CPS1: variants seen among roughly 807,000 people sequenced by gnomAD.
CPS1 encodes carbamoyl-phosphate synthase [ammonia], mitochondrial.
A neutral mutation model predicts 174.6 loss-of-function variants in CPS1; 109 were observed. The observed-to-expected ratio is 0.62, with a 90% CI of 0.53 to 0.73. CPS1 has a LOEUF of 0.73. CPS1 is among the 30% of genes least tolerant of loss of function. The pLI is 0.00. For synonymous variants in CPS1, 637 were observed against 632.0 expected, an observed-to-expected ratio of 1.01 and a Z score of -0.12; for missense variants, 1,689 against 1,821.9, an observed-to-expected ratio of 0.93 and a Z score of 1.33.
intron 1 of CPS1, among the ~76,000 whole-genome samples, chr2:210,558,846 G>C (rs1442895314): frequency 1.3e-5 from 2 of 152,006 alleles, no homozygotes; most frequent in African/African-American, 4.8e-5. Context: ...TCAAGGGTCT[G>C]TCACAGTGCA....
chr2:210,668,152 C>G, intron 33 of CPS1, 34 bp from the exon 34 acceptor site: 1 of 1,475,214 alleles, frequency 6.8e-7, no homozygotes. Flanking sequence ...TTCTTTGCAT[C>G]CTCTATTTTA....
chr2:210,650,381 G>A lies in CPS1; in HGVS notation c.3423G>A (p.Val1141=). The change falls in exon 28 of 38, where the codon GTG becomes GTA. Residue 1141 remains valine (V), a synonymous_variant. Transcript: ENST00000233072. ...SYVLSGSAMN[V]VFSEDEMKKF... is the part of the protein sequence containing the mutation. ...TTTCCAGTGGGTCTGCTATGAATGTGGTATTCTCTGAGGATGAGATGAAAA... is the reference window on the plus strand; with the variant it reads ...TTTCCAGTGGGTCTGCTATGAATGTAGTATTCTCTGAGGATGAGATGAAAA... The A allele has an allele frequency of 6.2e-7, 1 of 1,613,544 alleles. No homozygotes were observed. Among genetic ancestry groups the A allele is most frequent in the Non-Finnish European group, 8.5e-7 (1 of 1,179,594 alleles).
intron 1 of CPS1, among the ~76,000 whole-genome samples, chr2:210,565,581 G>A (rs1679995759): frequency 6.6e-6 from 1 of 152,110 alleles, no homozygotes; most frequent in Non-Finnish European, 1.5e-5. Context: ...AATAATTGCA[G>A]CCACAATTTA....
intron 20 of CPS1, among the ~76,000 whole-genome samples, chr2:210,614,307 C>T (rs1305631676): frequency 1.3e-5 from 2 of 151,442 alleles, no homozygotes; most frequent in Non-Finnish European, 1.5e-5. Context: ...CATTGATGGG[C>T]GTTTGGGTTG....
At chr2:210,481,161 G>A (rs1174699422) in intron 1 of CPS1, among the ~76,000 whole-genome samples, 1 of 152,140 alleles carries the variant, frequency 6.6e-6, no homozygotes, top group African/African-American at 2.4e-5. Flanking sequence ...AAAAGATTGT[G>A]AGTCCAGAAA....
intron 1 of CPS1, among the ~76,000 whole-genome samples, chr2:210,485,372 G>T (rs1001208537): frequency 6.6e-6 from 1 of 152,002 alleles, no homozygotes; most frequent in Non-Finnish European, 1.5e-5. Context: ...TTGAGATAAT[G>T]ATCATTATTT....
intron 15 of CPS1, among the ~76,000 whole-genome samples, chr2:210,601,796 T>C (rs1314071587): frequency 1.3e-5 from 2 of 151,938 alleles, no homozygotes; most frequent in South Asian, 2.1e-4. Context: ...TGTGGTAACA[T>C]CAAGCTAGCT....
chr2:210,668,370 G>A, intron 34 of CPS1, 86 bp downstream of exon 34: 1 of 929,742 alleles, frequency 1.1e-6, no homozygotes. Context: ...GTGGTATAGA[G>A]GAAGGGAGAT....
intron 6 of CPS1, among the ~76,000 whole-genome samples, chr2:210,587,431 G>A (rs557159557): frequency 3.3e-5 from 5 of 152,084 alleles, no homozygotes; most frequent in South Asian, 2.1e-4. Flanking sequence ...CCTCCCAGCC[G>A]TGCTTCAGAC....
At chr2:210,532,953 G>A (rs1362382916) in intron 1 of CPS1, among the ~76,000 whole-genome samples, 1 of 152,156 alleles carries the variant, frequency 6.6e-6, no homozygotes, top group East Asian at 1.9e-4. Flanking sequence ...GATCCTGCAA[G>A]AACTAATCTC....
In CPS1 at chr2:210,482,676, AAGAGAG is replaced by A. The variant is rs34641628; in HGVS notation, c.3+4925_3+4930del. Among the ~76,000 whole-genome samples the A allele has an allele frequency of 2.0e-3, 293 of 149,664 alleles. 3 individuals are homozygous for A. The highest frequency in any genetic ancestry group is 7.0e-3 in the African/African-American group (284 of 40,800). ...TGCTGGTGAGAGAGAGAGAGAGAGA[AAGAGAG>A]AGAGAGAGAGAGAGCACAATTCTGA... On this transcript the variant is annotated intron_variant, in intron 1 of 38. Transcript: ENST00000430249.
At chr2:210,618,499 C>G (rs1009900040) in intron 21 of CPS1, 2 of 152,096 alleles carry the variant, frequency 1.3e-5, no homozygotes, top group African/African-American at 4.8e-5. Flanking sequence ...AAACCCTGAA[C>G]TCATTATCTG....
In CPS1 at chr2:210,493,621, A is replaced by G. The variant is rs77511418; in HGVS notation, c.3+15855A>G. Among the ~76,000 whole-genome samples, 1,235 of 152,346 alleles carry G rather than the reference A, an allele frequency of 8.1e-3. 11 individuals are homozygous for G. Among genetic ancestry groups the G allele is most frequent in the African/African-American group, 0.028 (1,166 of 41,584 alleles). ...TTTTGGGGATCTACCCAGGATAGAT[A>G]GGTAAAGGGATATTTTTGGCCGTTA... On this transcript the variant is annotated intron_variant, in intron 1 of 38. Coordinates refer to the CPS1 transcript ENST00000430249.
intron 1 of CPS1, among the ~76,000 whole-genome samples, chr2:210,497,883 T>TACATAC (rs1695031056): frequency 1.8e-5 from 2 of 110,840 alleles, no homozygotes; most frequent in South Asian, 6.2e-4. Context: ...GGTAGAACAA[T>TACATAC]ATATACATAC....
rs74722172 is a variant in CPS1, at chr2:210,524,666, G to A, written c.4-32053G>A. Among the ~76,000 whole-genome samples the A allele has an allele frequency of 2.4e-4, 36 of 152,014 alleles. No homozygotes were observed. The East Asian group carries it at 6.2e-3, about 26-fold the overall frequency. ...CTCCCTTAGCTAATTCATGGATATAGTAAACCATGCTGGACCAATCAGATT... is the reference window on the plus strand; with the variant it reads ...CTCCCTTAGCTAATTCATGGATATAATAAACCATGCTGGACCAATCAGATT... On this transcript the variant is annotated intron_variant, in intron 1 of 38. Coordinates refer to the CPS1 transcript ENST00000430249.
intron 31 of CPS1, 59 bp from the exon 32 acceptor site, chr2:210,660,426 A>T: frequency 6.6e-7 from 1 of 1,505,522 alleles, no homozygotes; most frequent in Non-Finnish European, 9.2e-7. Context: ...AGAGAATATT[A>T]ATATTGTTGT....
intron 7 of CPS1, among the ~76,000 whole-genome samples, chr2:210,588,995 C>G (rs1559091548): frequency 1.3e-5 from 2 of 152,126 alleles, no homozygotes; most frequent in East Asian, 1.9e-4. Flanking sequence ...ATCTCTTTGC[C>G]TGATGGCTGG....
At chr2:210,575,931 T>C (rs1220086680) in intron 2 of CPS1, among the ~76,000 whole-genome samples, 2 of 152,082 alleles carry the variant, frequency 1.3e-5, no homozygotes, top group African/African-American at 4.8e-5. Flanking sequence ...GTTACTATCT[T>C]GGTGAAACTG....
chr2:210,663,236 T>G (rs766739291), intron 33 of CPS1, 39 bp downstream of exon 33: 19 of 1,555,474 alleles, frequency 1.2e-5, no homozygotes, highest in Non-Finnish European at 1.7e-5. Flanking sequence ...TCATTAAATC[T>G]ACTTTGAAAT....
Sources: gnomAD v4.1 joint callset for allele counts (sites outside exome capture counted in the v4.1 genomes callset) on GRCh38, gnomAD v4.1.1 for gene constraint, MANE v1.5 for transcripts, NCBI Gene and HGNC (gene_info 2026-07-23, HGNC 2026-07-21) for gene names.